The following NIPAL3 variants were observed in gnomAD, a reference collection of about 807,000 sequenced individuals.
NIPAL3 encodes the protein NIPA like domain containing 3, also known as NIPA-like protein 3.
Under a neutral mutation model 47.2 loss-of-function variants are expected in NIPAL3, and 41 were observed. The ratio of observed to expected loss-of-function variants is 0.87; its 90% CI spans 0.68 to 1.13. The LOEUF is 1.13. NIPAL3 is among the 50% of genes most tolerant of loss of function. The pLI is 0.00. For synonymous variants in NIPAL3, 194 were observed against 209.6 expected (o/e 0.93, Z 0.64); for missense variants, 449 against 530.1 (o/e 0.85, Z 1.50).
rs1646951044 is a variant in NIPAL3 at position 24,472,892 on chromosome 1, T to C, written c.*3707T>C. The C allele has an allele frequency of 6.6e-6, 1 of 152,094 alleles. No individual in the cohort carries two copies. The highest frequency in any genetic ancestry group is 2.4e-5 in the African/African-American group (1 of 41,400). 9.4% of individuals were successfully genotyped at this position (152,094 alleles called of 1,614,324 possible). ...CTTATATTTTGTTAACTTCACGACTTATGGCATGTCTTATTTAAAAAAAAA... is the reference window on the plus strand; with the variant it reads ...CTTATATTTTGTTAACTTCACGACTCATGGCATGTCTTATTTAAAAAAAAA... On this transcript the variant is annotated 3_prime_UTR_variant, in exon 12 of 12. Transcript: ENST00000374399.
intron 2 of NIPAL3, among the ~76,000 whole-genome samples, chr1:24,430,001 T>C (rs1370807657): frequency 6.6e-6 from 1 of 152,166 alleles, no homozygotes; most frequent in Non-Finnish European, 1.5e-5. Context: ...TTTACAATGA[T>C]TATTAAGCAA....
rs1349987764 is a variant in NIPAL3, at chr1:24,470,064, A to G, written c.*879A>G. On this transcript the variant is annotated 3_prime_UTR_variant, in exon 12 of 12. Coordinates refer to ENST00000374399, the MANE Select transcript of NIPAL3 (RefSeq NM_020448.5). ...ACCAGTGCCCCCTGGAAAGATGGGG[A>G]TGCTCATTTCAGAGACAGCCTCTTC... The G allele has an allele frequency of 6.6e-6, 1 of 152,160 alleles. No homozygotes were observed. The allele number at this position is 152,160 out of a possible 1,614,324, so 9.4% of individuals were successfully genotyped here.
chr1:24,444,639 C>T (rs554294398), intron 4 of NIPAL3, among the ~76,000 whole-genome samples: 2 of 152,308 alleles, frequency 1.3e-5, no homozygotes, highest in East Asian at 3.9e-4. Context: ...CAGGTCTGTT[C>T]ACAGTGACTG....
chr1:24,416,459 G>A lies in NIPAL3; in HGVS notation c.-258+555G>A, dbSNP rs1005690396. On this transcript the variant is annotated intron_variant, in intron 1 of 11. Transcript: ENST00000374399. The surrounding 1 kb of genome is among the most constrained non-coding windows in gnomAD (Gnocchi z 4.8). ...GTTTTATTGATTTGTTCAGAAAGAGGCAAATTCGAATACAGACGCTATGAG... is the reference window on the plus strand; with the variant it reads ...GTTTTATTGATTTGTTCAGAAAGAGACAAATTCGAATACAGACGCTATGAG... 7 of 486,936 alleles carry A rather than the reference G, an allele frequency of 1.4e-5. No individual in the cohort carries two copies. The highest frequency in any genetic ancestry group is 2.1e-5 in the African/African-American group (1 of 47,554). The allele number at this position is 486,936 out of a possible 1,614,324, so 30.2% of individuals were successfully genotyped here.
intron 2 of NIPAL3, among the ~76,000 whole-genome samples, chr1:24,420,580 G>A (rs1644283489): frequency 6.6e-6 from 1 of 152,048 alleles, no homozygotes; most frequent in Non-Finnish European, 1.5e-5. Flanking sequence ...TTTTCATTCG[G>A]ATTTCAGTAT....
At chr1:24,460,389 A>G (rs980712465) in intron 9 of NIPAL3, 92 bp from the exon 10 acceptor site, 4 of 1,016,898 alleles carry the variant, frequency 3.9e-6, no homozygotes, top group Non-Finnish European at 5.8e-6. Context: ...TAGTTTCCTA[A>G]ATGGAAGAGA....
chr1:24,418,406 G>A, intron 1 of NIPAL3, among the ~76,000 whole-genome samples: 1 of 152,034 alleles, frequency 6.6e-6, no homozygotes, highest in Non-Finnish European at 1.5e-5. Flanking sequence ...TGAGGCAAGT[G>A]GACTGCTTGA....
chr1:24,440,845 C>T (rs753916206), intron 3 of NIPAL3, among the ~76,000 whole-genome samples: 3 of 152,094 alleles, frequency 2.0e-5, no homozygotes, highest in Admixed American at 2.0e-4. Context: ...AATAAATGCC[C>T]CAGGCTCTTA....
intron 7 of NIPAL3, 53 bp from the exon 8 acceptor site, chr1:24,456,085 A>G: frequency 6.2e-7 from 1 of 1,609,328 alleles, no homozygotes; most frequent in South Asian, 1.1e-5. Flanking sequence ...TTCCGGACCT[A>G]ACTCTCTGCA....
chr1:24,452,853 ATTTTT>A (rs3054551), intron 6 of NIPAL3, among the ~76,000 whole-genome samples: 7 of 124,188 alleles, frequency 5.6e-5, no homozygotes, highest in South Asian at 2.6e-4. Context: ...CGCCCAGCTA[ATTTTT>A]TTTTTTTTTT....
chr1:24,450,025 G>T (rs981447202), intron 6 of NIPAL3, among the ~76,000 whole-genome samples: 15 of 152,138 alleles, frequency 9.9e-5, no homozygotes, highest in African/African-American at 3.1e-4. Flanking sequence ...GACTCCTCAA[G>T]TGCCCCCCAG....
intron 2 of NIPAL3, among the ~76,000 whole-genome samples, chr1:24,437,231 G>A (rs892954078): frequency 4.0e-4 from 61 of 152,224 alleles, no homozygotes; most frequent in South Asian, 2.1e-4. Context: ...CAGCCTGGGC[G>A]ACAGAGTGAG....
At chr1:24,452,894 G>A (rs2012582) in intron 6 of NIPAL3, among the ~76,000 whole-genome samples, 48,126 of 142,664 alleles carry the variant, frequency 0.34, 8,638 homozygotes, top group East Asian at 0.49. Context: ...TAGAGACCGG[G>A]TTTCACCATG....
At chr1:24,429,170 A>G (rs1484466895) in intron 2 of NIPAL3, among the ~76,000 whole-genome samples, 3 of 152,056 alleles carry the variant, frequency 2.0e-5, no homozygotes, top group Non-Finnish European at 4.4e-5. Context: ...AGCACTTTGG[A>G]AGGCCGAGGT....
Position 24,416,149 on chromosome 1 carries a change from C to A in NIPAL3, c.-258+245C>A. On this transcript the variant is annotated intron_variant, in intron 1 of 11. Transcript: ENST00000374399. This position sits in a 1 kb window ranked among gnomAD's most constrained non-coding sequence, Gnocchi z 4.8. ...CAGGCTCTACCAAACCAGGAAGTGA[C>A]ATGGAGTTAACTTTGCCAGAATTTC... 1.0e-6 allele frequency: 1 copy of A among 985,528 alleles called. No homozygotes were observed. Among genetic ancestry groups the A allele is most frequent in the Non-Finnish European group, 1.2e-6 (1 of 829,996 alleles). The allele number at this position is 985,528 out of a possible 1,614,324, so 61.0% of individuals were successfully genotyped here.
intron 4 of NIPAL3, among the ~76,000 whole-genome samples, chr1:24,443,794 GCCTTTC>G (rs1190669857): frequency 6.6e-6 from 1 of 152,152 alleles, no homozygotes; most frequent in African/African-American, 2.4e-5. Context: ...CAGAGTCTCA[GCCTTTC>G]CCTGTTGTCT....
chr1:24,429,832 C>A (rs917420792), intron 2 of NIPAL3, among the ~76,000 whole-genome samples: 5 of 152,132 alleles, frequency 3.3e-5, no homozygotes, highest in African/African-American at 9.7e-5. Context: ...GCTGTCTCAG[C>A]CTGATGGCCT....
intron 2 of NIPAL3, among the ~76,000 whole-genome samples, chr1:24,425,593 A>G (rs1429038356): frequency 1.3e-5 from 2 of 152,056 alleles, no homozygotes; most frequent in Non-Finnish European, 2.9e-5. Context: ...CTTGGCTCCA[A>G]TCCCTGGCCC....
At chr1:24,452,853 ATTT>A (rs3054551) in intron 6 of NIPAL3, among the ~76,000 whole-genome samples, 3 of 124,214 alleles carry the variant, frequency 2.4e-5, no homozygotes, top group Admixed American at 8.5e-5. Flanking sequence ...CGCCCAGCTA[ATTT>A]TTTTTTTTTT....
Sources: allele counts gnomAD v4.1 joint callset (sites outside exome capture counted in the v4.1 genomes callset), GRCh38; gene constraint gnomAD v4.1.1; non-coding constraint Gnocchi (gnomAD v3.1); transcripts MANE v1.5; gene names NCBI Gene and HGNC (gene_info 2026-07-23, HGNC 2026-07-21).